The following SLC9A2 variants were observed in gnomAD, a reference collection of about 807,000 sequenced individuals.
SLC9A2 encodes the protein solute carrier family 9 member A2, also known as sodium/hydrogen exchanger 2.
Under a neutral mutation model 71.7 loss-of-function variants are expected in SLC9A2, and 42 were observed. That is an observed-to-expected ratio of 0.59 (90% CI 0.46 to 0.76). The LOEUF (loss-of-function observed/expected upper bound fraction) is 0.76, where lower values mean the gene tolerates loss of function less well. Among genes scored for constraint, SLC9A2 ranks in the 30% least tolerant of loss-of-function variants. SLC9A2 has a pLI of 0.00. For missense variants in SLC9A2, 829 were observed against 1,017.4 expected, an observed-to-expected ratio of 0.81 and a Z score of 2.52; for synonymous variants, 396 against 392.5, an observed-to-expected ratio of 1.01 and a Z score of -0.10.
At chr2:102,647,294 C>T (rs1676747364) in intron 1 of SLC9A2, among the ~76,000 whole-genome samples, 1 of 152,104 alleles carries the variant, frequency 6.6e-6, no homozygotes, top group Admixed American at 6.5e-5. Context: ...TTCTTTGAAA[C>T]CAATGAGAAT....
chr2:102,658,866 A>T (rs144922220), intron 2 of SLC9A2, among the ~76,000 whole-genome samples: 19 of 152,176 alleles, frequency 1.2e-4, no homozygotes, highest in Admixed American at 5.9e-4. Context: ...TCAATTGATA[A>T]ATCAGTTAGG....
intron 1 of SLC9A2, among the ~76,000 whole-genome samples, chr2:102,621,279 T>G (rs941280386): frequency 2.0e-5 from 3 of 148,444 alleles, no homozygotes; most frequent in African/African-American, 5.0e-5. Context: ...ACTCAGGAGG[T>G]TGCGGTTGCA....
intron 1 of SLC9A2, among the ~76,000 whole-genome samples, chr2:102,642,065 TA>T (rs1553424330): frequency 2.1e-5 from 3 of 145,082 alleles, no homozygotes; most frequent in African/African-American, 7.5e-5. Context: ...ATAATAATAA[TA>T]AAGAAATACT....
At chr2:102,685,154 A>C (rs1677525437) in intron 5 of SLC9A2, among the ~76,000 whole-genome samples, 1 of 152,238 alleles carries the variant, frequency 6.6e-6, no homozygotes, top group Non-Finnish European at 1.5e-5. Flanking sequence ...GAGCAAAGAC[A>C]TGCAGGAGGT....
At chr2:102,649,185 C>T (rs775318056) in intron 1 of SLC9A2, among the ~76,000 whole-genome samples, 4 of 152,222 alleles carry the variant, frequency 2.6e-5, no homozygotes, top group Non-Finnish European at 5.9e-5. Context: ...CTACAACCAT[C>T]TGATCTTCGA....
chr2:102,658,939 A>T (rs1212857851), intron 2 of SLC9A2, among the ~76,000 whole-genome samples: 2 of 152,198 alleles, frequency 1.3e-5, no homozygotes, highest in Non-Finnish European at 2.9e-5. Context: ...GACAGTAATG[A>T]TAGCCACTAA....
chr2:102,633,889 AAT>A (rs1440033870), intron 1 of SLC9A2, among the ~76,000 whole-genome samples: 1 of 152,234 alleles, frequency 6.6e-6, no homozygotes, highest in Non-Finnish European at 1.5e-5. Context: ...AAAGATGTTA[AAT>A]ATGTTTCATT....
intron 9 of SLC9A2, among the ~76,000 whole-genome samples, chr2:102,703,481 C>T (rs1451201987): frequency 6.6e-6 from 1 of 152,142 alleles, no homozygotes; most frequent in Admixed American, 6.5e-5. Context: ...TAAGGCTCCC[C>T]CAACAGCCAC....
intron 5 of SLC9A2, among the ~76,000 whole-genome samples, chr2:102,691,619 T>C (rs1224869702): frequency 6.6e-6 from 1 of 152,238 alleles, no homozygotes; most frequent in East Asian, 1.9e-4. Flanking sequence ...GATATGACTA[T>C]TGCAGGCAAT....
chr2:102,708,027 G>T (rs939789891), intron 11 of SLC9A2, 92 bp from the exon 12 acceptor site: 6 of 1,354,928 alleles, frequency 4.4e-6, no homozygotes, highest in Middle Eastern at 5.4e-4. Flanking sequence ...GCCCCAGGAC[G>T]TATCAGTTGC....
intron 1 of SLC9A2, among the ~76,000 whole-genome samples, chr2:102,652,097 AAC>A (rs1676847845): frequency 6.6e-6 from 1 of 152,174 alleles, no homozygotes; most frequent in Non-Finnish European, 1.5e-5. Context: ...TGTTTTAGTC[AAC>A]ATTTTAAAAG....
At chr2:102,638,131 C>T (rs554457384) in intron 1 of SLC9A2, among the ~76,000 whole-genome samples, 2 of 152,290 alleles carry the variant, frequency 1.3e-5, no homozygotes, top group Admixed American at 6.5e-5. Context: ...ATAGGCCCAA[C>T]AAAATAGGCG....
At chr2:102,681,576 G>A (rs1174282880) in intron 3 of SLC9A2, among the ~76,000 whole-genome samples, 1 of 152,254 alleles carries the variant, frequency 6.6e-6, no homozygotes, top group African/African-American at 2.4e-5. Flanking sequence ...AAGGTGCTGT[G>A]AAGATTGACT....
At chr2:102,622,631 A>T (rs1195934549) in intron 1 of SLC9A2, among the ~76,000 whole-genome samples, 3 of 152,196 alleles carry the variant, frequency 2.0e-5, no homozygotes, top group Non-Finnish European at 4.4e-5. Flanking sequence ...GGTCTGTCTC[A>T]TTTCTCATCT....
rs1160985295 is a variant in SLC9A2, at chr2:102,673,510, A to G, written c.1004+8160A>G. On this transcript the variant is annotated intron_variant, in intron 3 of 11. Coordinates refer to ENST00000233969, the MANE Select transcript of SLC9A2 (RefSeq NM_003048.6). ...GATATTTCCTTGTTAACTTTAAATT[A>G]CATAAAACTTTAACAATTCGCTCCT... Among the ~76,000 whole-genome samples, 5 of 152,216 alleles carry G rather than the reference A, an allele frequency of 3.3e-5. 1 individual carries two copies. Among genetic ancestry groups the G allele is most frequent in the Non-Finnish European group, 7.3e-5 (5 of 68,044 alleles).
intron 5 of SLC9A2, among the ~76,000 whole-genome samples, chr2:102,692,343 A>C (rs4851634): frequency 6.6e-6 from 1 of 152,186 alleles, no homozygotes; most frequent in Non-Finnish European, 1.5e-5. Flanking sequence ...ATGGATGTGT[A>C]TGTGTGTCTC....
Position 102,708,174 on chromosome 2 carries a change from G to T in SLC9A2, c.2124G>T (p.Gln708His). The change falls in exon 12 of 12, where the codon CAG becomes CAT. Residue 708 changes from glutamine (Q) to histidine (H), a missense_variant. Coordinates refer to ENST00000233969, the MANE Select transcript of SLC9A2 (RefSeq NM_003048.6). ...CCGGGACCACCGTGCTCAATTTGCA[G>T]CCCAGAGCCAGGCGCTTCTTGCCAG... ...ADAGTTVLNL[Q>H]PRARRFLPEQ... 6.2e-7 allele frequency: 1 copy of T among 1,614,160 alleles called. No individual in the cohort carries two copies.
At position 102,709,835 on chromosome 2, in the gene SLC9A2, G is replaced by T; in HGVS notation, c.*1346G>T. 6.6e-6 allele frequency: 1 copy of T among 151,700 alleles called. No individual in the cohort carries two copies. The allele number at this position is 151,700 out of a possible 1,614,324, so 9.4% of individuals were successfully genotyped here. ...CTAAATAATTCTTTAAAACTTGACT[G>T]GAACATGCCTCTGCATTTCTGAGTG... On this transcript the variant is annotated 3_prime_UTR_variant, in exon 12 of 12. Coordinates refer to ENST00000233969, the MANE Select transcript of SLC9A2 (RefSeq NM_003048.6).
chr2:102,689,363 A>G (rs1178163220), intron 5 of SLC9A2, among the ~76,000 whole-genome samples: 5 of 152,216 alleles, frequency 3.3e-5, no homozygotes, highest in African/African-American at 1.2e-4. Context: ...AAAGTCATCA[A>G]GGCCTGACAT....
Sources: gnomAD v4.1 joint callset for allele counts (sites outside exome capture counted in the v4.1 genomes callset) on GRCh38, gnomAD v4.1.1 for gene constraint, MANE v1.5 for transcripts, NCBI Gene and HGNC (gene_info 2026-07-23, HGNC 2026-07-21) for gene names.